PTCHD4: variants seen among roughly 807,000 people sequenced by gnomAD.
The protein encoded by PTCHD4 is patched domain containing 4, also known as patched domain-containing protein 4.
Under a neutral mutation model 58.1 loss-of-function variants are expected in PTCHD4, and 33 were observed. That is an observed-to-expected ratio of 0.57 (90% confidence interval 0.43 to 0.76). The LOEUF (loss-of-function observed/expected upper bound fraction) is 0.76. PTCHD4 is among the 30% of genes least tolerant of loss of function. PTCHD4 has a pLI of 0.00. For synonymous variants in PTCHD4, 478 were observed against 409.6 expected (o/e 1.17, Z -2.02); for missense variants, 1,058 against 1,027.1 (o/e 1.03, Z -0.41).
chr6:48,053,688 G>C (rs374852899), intron 3 of PTCHD4, among the ~76,000 whole-genome samples: 7 of 151,924 alleles, frequency 4.6e-5, no homozygotes, highest in South Asian at 2.1e-4. Context: ...AAGTGTCTCC[G>C]GACATATTTT....
intron 3 of PTCHD4, among the ~76,000 whole-genome samples, chr6:48,024,077 C>A (rs1259777328): frequency 1.3e-5 from 2 of 152,150 alleles, no homozygotes; most frequent in Non-Finnish European, 2.9e-5. Context: ...ATGGGACTGT[C>A]TAGCTCATAA....
chr6:47,888,899 T>C (rs1247505118), intron 4 of PTCHD4, among the ~76,000 whole-genome samples: 1 of 113,342 alleles, frequency 8.8e-6, no homozygotes, highest in Non-Finnish European at 1.8e-5. Context: ...TGAGTGAGAA[T>C]ATGCGGTGTT....
At chr6:48,053,207 A>G (rs1764294807) in intron 3 of PTCHD4, among the ~76,000 whole-genome samples, 1 of 152,130 alleles carries the variant, frequency 6.6e-6, no homozygotes, top group Non-Finnish European at 1.5e-5. Context: ...AAGAGACAGA[A>G]AACATGCAAT....
At chr6:48,018,452 T>G (rs1762942729) in intron 3 of PTCHD4, among the ~76,000 whole-genome samples, 1 of 152,202 alleles carries the variant, frequency 6.6e-6, no homozygotes, top group South Asian at 2.1e-4. Flanking sequence ...TGACCAGTGT[T>G]CATTTCCATA....
At chr6:47,996,755 AG>A (rs2114049972) in intron 4 of PTCHD4, among the ~76,000 whole-genome samples, 1 of 152,342 alleles carries the variant, frequency 6.6e-6, no homozygotes, top group South Asian at 2.1e-4. Flanking sequence ...AAACATGAAA[AG>A]GTACAACTTT....
chr6:47,876,120 T>G lies in PTCHD4; in HGVS notation c.*2183A>C, dbSNP rs553893545. Among the ~76,000 whole-genome samples, 2 of 149,574 alleles carry G rather than the reference T, an allele frequency of 1.3e-5. No individual in the cohort carries two copies. Among genetic ancestry groups the G allele is most frequent in the South Asian group, 2.1e-4 (1 of 4,746 alleles). ...AAAAATCAAAACCCAACCAAAAACC[T>G]CCTCTGAAACTTCTACTTCAGATAT... On this transcript the variant is annotated 3_prime_UTR_variant, in exon 5 of 5. Coordinates refer to ENST00000339488, the MANE Select transcript of PTCHD4 (RefSeq NM_001384253.1).
In PTCHD4 at chr6:47,863,827, T is replaced by G. The variant is rs113839611; in HGVS notation, c.*14476A>C. 6.6e-6 allele frequency among the ~76,000 whole-genome samples: 1 copy of G among 151,972 alleles called. No individual in the cohort carries two copies. The highest frequency in any genetic ancestry group is 1.5e-5 in the Non-Finnish European group (1 of 67,926). On this transcript the variant is annotated 3_prime_UTR_variant, in exon 5 of 5. Transcript: ENST00000339488. ...ACTGTCCAGAGCAACTTATTACAAA[T>G]AGAGATTACTAAGGCCATCCCTTCA...
At chr6:48,108,549 A>T (rs1158939872) in intron 1 of PTCHD4, among the ~76,000 whole-genome samples, 1 of 152,124 alleles carries the variant, frequency 6.6e-6, no homozygotes, top group Admixed American at 6.6e-5. Context: ...ACATGTATAC[A>T]TATGTAACAA....
intron 1 of PTCHD4, among the ~76,000 whole-genome samples, chr6:48,076,687 T>C (rs938531925): frequency 2.6e-5 from 4 of 152,186 alleles, no homozygotes; most frequent in Non-Finnish European, 5.9e-5. Context: ...AAATTAAATG[T>C]AAAGGAGTTT....
At chr6:47,924,869 T>C (rs748370867) in intron 4 of PTCHD4, among the ~76,000 whole-genome samples, 1 of 152,092 alleles carries the variant, frequency 6.6e-6, no homozygotes, top group African/African-American at 2.4e-5. Flanking sequence ...AACCGCCTTA[T>C]ATAACACAGC....
chr6:48,103,454 C>A (rs143684187), intron 1 of PTCHD4, among the ~76,000 whole-genome samples: 1 of 151,994 alleles, frequency 6.6e-6, no homozygotes, highest in Non-Finnish European at 1.5e-5. Context: ...TCCATCTGTA[C>A]GTCACCATCA....
chr6:47,979,753 A>C (rs1487094159), intron 4 of PTCHD4, among the ~76,000 whole-genome samples: 1 of 152,026 alleles, frequency 6.6e-6, no homozygotes, highest in Non-Finnish European at 1.5e-5. Context: ...TATCAGATAA[A>C]ATTGAATTAA....
At chr6:47,973,452 G>A (rs1767586803) in intron 4 of PTCHD4, among the ~76,000 whole-genome samples, 2 of 152,222 alleles carry the variant, frequency 1.3e-5, no homozygotes, top group South Asian at 4.1e-4. Flanking sequence ...GATTGTAGCT[G>A]GAGATATAAT....
chr6:47,932,666 A>G (rs1236384792), intron 4 of PTCHD4, among the ~76,000 whole-genome samples: 1 of 151,888 alleles, frequency 6.6e-6, no homozygotes, highest in African/African-American at 2.4e-5. Flanking sequence ...AAAGCTACCG[A>G]AAAACACAGT....
intron 4 of PTCHD4, among the ~76,000 whole-genome samples, chr6:47,962,247 T>A (rs923284118): frequency 6.6e-6 from 1 of 152,218 alleles, no homozygotes; most frequent in Non-Finnish European, 1.5e-5. Flanking sequence ...TTGTTCAATC[T>A]ATATGGCCTT....
At chr6:47,939,462 G>A (rs1052760292) in intron 4 of PTCHD4, among the ~76,000 whole-genome samples, 2 of 152,060 alleles carry the variant, frequency 1.3e-5, no homozygotes, top group East Asian at 3.9e-4. Context: ...AACAAGGGGA[G>A]GAGGAGTGAC....
At chr6:47,946,559 C>A (rs1040340297) in intron 4 of PTCHD4, among the ~76,000 whole-genome samples, 12 of 152,034 alleles carry the variant, frequency 7.9e-5, no homozygotes, top group African/African-American at 2.7e-4. Flanking sequence ...AGTTTACATT[C>A]ATCCTTTGTC....
intron 4 of PTCHD4, among the ~76,000 whole-genome samples, chr6:47,985,272 A>G (rs1436014728): frequency 6.6e-6 from 1 of 152,096 alleles, no homozygotes; most frequent in Non-Finnish European, 1.5e-5. Context: ...TATTGAAAAA[A>G]AAGGCCACAC....
At chr6:47,956,322 C>T (rs1302513247) in intron 4 of PTCHD4, among the ~76,000 whole-genome samples, 1 of 152,170 alleles carries the variant, frequency 6.6e-6, no homozygotes, top group African/African-American at 2.4e-5. Flanking sequence ...CAAACTTCCT[C>T]ATAAGATAGG....
Sources: allele counts gnomAD v4.1 joint callset (sites outside exome capture counted in the v4.1 genomes callset), GRCh38; gene constraint gnomAD v4.1.1; transcripts MANE v1.5; gene names NCBI Gene and HGNC (gene_info 2026-07-23, HGNC 2026-07-21).